Variants in PACS1 observed in about 807,000 individuals in gnomAD.
The protein encoded by PACS1 is PACS-1.
A neutral mutation model predicts 115.0 loss-of-function variants in PACS1; 24 were observed. The observed-to-expected ratio is 0.21, with a 90% confidence interval of 0.15 to 0.29. The LOEUF (loss-of-function observed/expected upper bound fraction) is 0.29. PACS1 is among the 10% of genes least tolerant of loss of function. The pLI is 1.00. For missense variants in PACS1, 838 were observed against 1,251.2 expected (o/e 0.67, Z 4.98); for synonymous variants, 453 against 504.5 (o/e 0.90, Z 1.37).
chr11:66,182,537 C>T (rs1455047480), intron 1 of PACS1, among the ~76,000 whole-genome samples: 1 of 151,870 alleles, frequency 6.6e-6, no homozygotes, highest in Non-Finnish European at 1.5e-5. Flanking sequence ...GATCATAGCT[C>T]ACTGCAGTCT....
intron 4 of PACS1, among the ~76,000 whole-genome samples, chr11:66,213,063 G>A (rs1276043068): frequency 6.6e-6 from 1 of 152,110 alleles, no homozygotes; most frequent in Non-Finnish European, 1.5e-5. Flanking sequence ...ATGTTGTCTG[G>A]GCTGGTCTTG....
chr11:66,153,188 A>G (rs1444365327), intron 1 of PACS1, among the ~76,000 whole-genome samples: 1 of 152,034 alleles, frequency 6.6e-6, no homozygotes, highest in Non-Finnish European at 1.5e-5. Flanking sequence ...GGCTATTCAC[A>G]AGGACAATTA....
rs770441395 is a variant in PACS1, at chr11:66,239,292, C to G, written c.2429+15C>G. 5 of 1,602,876 alleles carry G rather than the reference C, an allele frequency of 3.1e-6. No individual in the cohort carries two copies. Among genetic ancestry groups the G allele is most frequent in the Non-Finnish European group, 4.3e-6 (5 of 1,174,696 alleles). Reference sequence around the variant, plus strand: ...GCCATCGTGGGGTAAGGCTCCTGCCCGTACCTGTCCTGCCATGCCCTCCAT... The same window carrying G: ...GCCATCGTGGGGTAAGGCTCCTGCCGGTACCTGTCCTGCCATGCCCTCCAT... On this transcript the variant is annotated intron_variant, in intron 21 of 23. Transcript: ENST00000320580.
rs376378898 is a variant in PACS1 at position 66,242,866 on chromosome 11, G to A, written c.2657-46G>A. 589 of 1,610,950 alleles carry A rather than the reference G, an allele frequency of 3.7e-4. No homozygotes were observed. The highest frequency in any genetic ancestry group is 6.5e-4 in the East Asian group (29 of 44,788). ...GTCGGCTGGGGAGGAGAGGGGTGGC[G>A]GCTTCCCCAGGGGCTGGGACACAGG... On this transcript the variant is annotated intron_variant, in intron 22 of 23. Coordinates refer to ENST00000320580, the MANE Select transcript of PACS1 (RefSeq NM_018026.4).
At chr11:66,096,332 C>T (rs1857781543) in intron 1 of PACS1, among the ~76,000 whole-genome samples, 1 of 151,480 alleles carries the variant, frequency 6.6e-6, no homozygotes, top group Non-Finnish European at 1.5e-5. Flanking sequence ...GCCTCAGCCT[C>T]CCGAAGTGCT....
At position 66,235,447 on chromosome 11, in the gene PACS1, G is replaced by T. The variant is rs1251610865; in HGVS notation, c.2207+44G>T. 1.8e-5 allele frequency: 25 copies of T among 1,355,524 alleles called. No homozygotes were observed. The Admixed American group carries it at 4.3e-4, about 23-fold the overall frequency. 84.0% of individuals were successfully genotyped at this position (1,355,524 alleles called of 1,614,324 possible). A position where few individuals can be genotyped will look rare whatever the true frequency, so the allele number is the denominator to read the frequency against. On this transcript the variant is annotated intron_variant, in intron 18 of 23. Coordinates refer to ENST00000320580, the MANE Select transcript of PACS1 (RefSeq NM_018026.4). This position sits in a 1 kb window ranked among gnomAD's most constrained non-coding sequence, Gnocchi z 5.6. The stretch of plus-strand genomic sequence containing the variant: ...GGTTTCTTAAAAATAGGTTGGGTGG[G>T]TTAGAGGAATCTTGAGTCTTCCTTG...
chr11:66,125,773 C>G (rs1858556528), intron 1 of PACS1, among the ~76,000 whole-genome samples: 1 of 152,164 alleles, frequency 6.6e-6, no homozygotes, highest in Non-Finnish European at 1.5e-5. Context: ...GGCATGGTGG[C>G]TCATGCCTGT....
Position 66,207,957 on chromosome 11 carries a change from C to T in PACS1, c.445-2405C>T, listed in dbSNP as rs752978401. Among the ~76,000 whole-genome samples the T allele has an allele frequency of 2.6e-5, 4 of 152,084 alleles. No individual in the cohort carries two copies. In the South Asian group the frequency reaches 6.2e-4, roughly 24 times the overall value. On this transcript the variant is annotated intron_variant, in intron 2 of 23. Transcript: ENST00000320580. ...CTAATTTTTGTATTTTTCGTAGAGA[C>T]GAGGTTTCCCAGTGTTGCCCAGGCT...
intron 1 of PACS1, among the ~76,000 whole-genome samples, chr11:66,096,499 T>C (rs1857784592): frequency 6.6e-6 from 1 of 151,260 alleles, no homozygotes. Context: ...AAAGTTGCTA[T>C]GAATTTTTTT....
chr11:66,142,893 C>A lies in PACS1; in HGVS notation c.357-50593C>A, dbSNP rs533265269. Among the ~76,000 whole-genome samples the A allele has an allele frequency of 3.3e-5, 5 of 151,506 alleles. No homozygotes were observed. The South Asian group carries it at 1.0e-3, about 32-fold the overall frequency. ...ACATTGTCCCCTTACTTGTTAGCCA[C>A]TTTCATGGAAAAAACCCGCAATCCA... On this transcript the variant is annotated intron_variant, in intron 1 of 23. Coordinates refer to ENST00000320580, the MANE Select transcript of PACS1 (RefSeq NM_018026.4).
chr11:66,174,816 C>G (rs983726427), intron 1 of PACS1, among the ~76,000 whole-genome samples: 2 of 152,128 alleles, frequency 1.3e-5, no homozygotes, highest in African/African-American at 4.8e-5. Context: ...GTTGCACTAT[C>G]TAACAAATTT....
intron 3 of PACS1, 57 bp downstream of exon 3, chr11:66,210,508 C>A: frequency 8.2e-7 from 1 of 1,224,464 alleles, no homozygotes; most frequent in Non-Finnish European, 1.2e-6. Flanking sequence ...AGTCCCCAGA[C>A]AGTCCTCTAA....
At chr11:66,187,673 A>G (rs471484) in intron 1 of PACS1, among the ~76,000 whole-genome samples, 38,861 of 151,994 alleles carry the variant, frequency 0.26, 5,600 homozygotes, top group East Asian at 0.44. Context: ...ACTCCATGGT[A>G]TGTGCACACC....
chr11:66,146,265 A>G (rs980726124), intron 1 of PACS1, among the ~76,000 whole-genome samples: 5 of 152,188 alleles, frequency 3.3e-5, no homozygotes, highest in African/African-American at 7.2e-5. Context: ...GCTATTATAC[A>G]TGTGTTCAGG....
At chr11:66,157,860 C>A (rs1859396941) in intron 1 of PACS1, among the ~76,000 whole-genome samples, 1 of 146,356 alleles carries the variant, frequency 6.8e-6, no homozygotes, top group African/African-American at 2.5e-5. Flanking sequence ...AAAAAAAAAA[C>A]CTAACATGGT....
At chr11:66,093,399 G>A (rs1423721147) in intron 1 of PACS1, among the ~76,000 whole-genome samples, 2 of 147,298 alleles carry the variant, frequency 1.4e-5, no homozygotes, top group African/African-American at 5.1e-5. Context: ...TGCAATCCTA[G>A]TCTCTGATAA....
intron 7 of PACS1, chr11:66,217,777 C>CCTG: frequency 2.8e-6 from 1 of 352,540 alleles, no homozygotes; most frequent in Non-Finnish European, 5.7e-6. Context: ...CTCCATTGCA[C>CCTG]TCTGGAAATA....
At chr11:66,152,551 C>G (rs1859264596) in intron 1 of PACS1, among the ~76,000 whole-genome samples, 1 of 152,190 alleles carries the variant, frequency 6.6e-6, no homozygotes, top group South Asian at 2.1e-4. Flanking sequence ...AAAGGAAAAG[C>G]ACTCATAGGC....
At chr11:66,150,550 C>G (rs553077270) in intron 1 of PACS1, among the ~76,000 whole-genome samples, 3 of 151,790 alleles carry the variant, frequency 2.0e-5, no homozygotes, top group Admixed American at 6.6e-5. Context: ...AATATTTGAT[C>G]TAATAAATTT....
Sources: allele counts gnomAD v4.1 joint callset (sites outside exome capture counted in the v4.1 genomes callset), GRCh38; gene constraint gnomAD v4.1.1; non-coding constraint Gnocchi (gnomAD v3.1); transcripts MANE v1.5; gene names NCBI Gene and HGNC (gene_info 2026-07-23, HGNC 2026-07-21).